Variants in KCNK9 observed in about 807,000 individuals in gnomAD.
The protein encoded by KCNK9 is potassium two pore domain channel subfamily K member 9.
Under a neutral mutation model 10.8 loss-of-function variants are expected in KCNK9, and 1 was observed. That is an observed-to-expected ratio of 0.09 (90% CI 0.03 to 0.44). The LOEUF (loss-of-function observed/expected upper bound fraction) is 0.44. Among genes scored for constraint, KCNK9 ranks in the 20% least tolerant of loss-of-function variants. The pLI is 0.97. For synonymous variants in KCNK9, 231 were observed against 222.7 expected, an observed-to-expected ratio of 1.04 and a Z score of -0.33; for missense variants, 303 against 515.0, an observed-to-expected ratio of 0.59 and a Z score of 3.98.
chr8:139,653,573 G>A (rs1242274942), intron 1 of KCNK9, among the ~76,000 whole-genome samples: 3 of 150,650 alleles, frequency 2.0e-5, no homozygotes, highest in Non-Finnish European at 4.4e-5. Context: ...GATGCTTCAT[G>A]GGAATGTGAG....
At position 139,617,970 on chromosome 8, in the gene KCNK9, G is replaced by A. The variant is rs963450081; in HGVS notation, c.*288C>T. ...CCACTGCAGAGATGATGGGGTGGGT[G>A]GGGTGAGAAATGTAAGGCATAGTCT... On this transcript the variant is annotated 3_prime_UTR_variant, in exon 2 of 2. Transcript: ENST00000520439. 6 of 428,140 alleles carry A rather than the reference G, an allele frequency of 1.4e-5. No individual in the cohort carries two copies. The highest frequency in any genetic ancestry group is 2.1e-5 in the Non-Finnish European group (5 of 232,950). 26.5% of individuals were successfully genotyped at this position (428,140 alleles called of 1,614,324 possible).
At position 139,618,511 on chromosome 8, in the gene KCNK9, G is replaced by A. The variant is rs773508027; in HGVS notation, c.872C>T (p.Pro291Leu). 8.7e-6 allele frequency: 14 copies of A among 1,613,444 alleles called. No individual in the cohort carries two copies. Among genetic ancestry groups the A allele is most frequent in the South Asian group, 7.7e-5 (7 of 91,078 alleles). ...GCAGGAGCACACAGACTGCAGGTCC[G>A]GGACGTCCGCCTTGTACCTGGGCCG... ...PSRPRYKADVPDLQSVCSCTC... is the reference protein window; with the variant it reads ...PSRPRYKADVLDLQSVCSCTC... The change falls in exon 2 of 2, where the codon CCG becomes CTG. Residue 291 changes from proline (P) to leucine (L), a missense_variant. By Grantham distance (98) the Pro-to-Leu change is moderately conservative (BLOSUM62 -3). Coordinates refer to ENST00000520439, the MANE Select transcript of KCNK9 (RefSeq NM_001282534.2). This position sits in a 1 kb window ranked among gnomAD's most constrained non-coding sequence, Gnocchi z 7.9.
chr8:139,695,035 A>G (rs1181728449), intron 1 of KCNK9, among the ~76,000 whole-genome samples: 1 of 152,012 alleles, frequency 6.6e-6, no homozygotes, highest in African/African-American at 2.4e-5. Flanking sequence ...GAATTTTCTC[A>G]TCTTCCCTGC....
At chr8:139,657,294 A>G (rs573111075) in intron 1 of KCNK9, among the ~76,000 whole-genome samples, 2 of 152,188 alleles carry the variant, frequency 1.3e-5, no homozygotes, top group South Asian at 4.2e-4. Context: ...TGGCTAGAAA[A>G]CCACCACCAC....
intron 1 of KCNK9, among the ~76,000 whole-genome samples, chr8:139,681,692 G>A (rs941084741): frequency 6.6e-6 from 1 of 152,234 alleles, no homozygotes; most frequent in Non-Finnish European, 1.5e-5. Flanking sequence ...AAGAGTCTCT[G>A]AGGCCTCTGG....
At chr8:139,650,303 G>A (rs1422287565) in intron 1 of KCNK9, among the ~76,000 whole-genome samples, 2 of 152,200 alleles carry the variant, frequency 1.3e-5, no homozygotes, top group Non-Finnish European at 2.9e-5. Context: ...TCACAGCTCG[G>A]AGTTACTGGC....
chr8:139,683,906 C>G (rs561569790), intron 1 of KCNK9, among the ~76,000 whole-genome samples: 1 of 152,358 alleles, frequency 6.6e-6, no homozygotes, highest in East Asian at 1.9e-4. Context: ...GTGGAAATTG[C>G]TGAGTGGGGC....
chr8:139,699,425 G>A (rs757416907), intron 1 of KCNK9, among the ~76,000 whole-genome samples: 2 of 152,164 alleles, frequency 1.3e-5, no homozygotes, highest in Admixed American at 6.5e-5. Flanking sequence ...TGGGGCGGGG[G>A]TTGGGGGGAA....
intron 1 of KCNK9, among the ~76,000 whole-genome samples, chr8:139,661,502 C>T (rs1816150073): frequency 3.9e-5 from 6 of 152,206 alleles, no homozygotes; most frequent in Admixed American, 3.9e-4. Flanking sequence ...TCGTCACAGC[C>T]CTGGGAAGCA....
At chr8:139,621,789 T>C (rs1814789512) in intron 1 of KCNK9, among the ~76,000 whole-genome samples, 1 of 152,210 alleles carries the variant, frequency 6.6e-6, no homozygotes, top group African/African-American at 2.4e-5. Flanking sequence ...GTGGGAATCC[T>C]ACTATATCTC....
chr8:139,607,996 C>T (rs183646329), downstream of KCNK9, among the ~76,000 whole-genome samples: 192 of 152,320 alleles, frequency 1.3e-3, 1 homozygote, highest in African/African-American at 4.2e-3. Context: ...CTGATGTCTA[C>T]ACCACCCAGT....
chr8:139,663,948 GA>G (rs1418393911), intron 1 of KCNK9, among the ~76,000 whole-genome samples: 1 of 152,162 alleles, frequency 6.6e-6, no homozygotes, highest in Non-Finnish European at 1.5e-5. Flanking sequence ...AAGAAATTGC[GA>G]AATAACACAT....
At position 139,617,229 on chromosome 8, in the gene KCNK9, A is replaced by G. The variant is rs1814626395; in HGVS notation, c.*1029T>C. On this transcript the variant is annotated 3_prime_UTR_variant, in exon 2 of 2. Transcript: ENST00000520439. ...CCCATTCTCACCCAAGCATTCCAAC[A>G]CTATAATTCTTATTTATGCAGGGTA... Among the ~76,000 whole-genome samples, 1 of 152,222 alleles carries G rather than the reference A, an allele frequency of 6.6e-6. No homozygotes were observed. Among genetic ancestry groups the G allele is most frequent in the South Asian group, 2.1e-4 (1 of 4,828 alleles).
intron 1 of KCNK9, among the ~76,000 whole-genome samples, chr8:139,682,283 G>T (rs542942159): frequency 6.6e-6 from 1 of 152,336 alleles, no homozygotes; most frequent in African/African-American, 2.4e-5. Context: ...CATTCTCGGA[G>T]GGCCTGCTTA....
At chr8:139,678,467 G>T (rs1404733251) in intron 1 of KCNK9, among the ~76,000 whole-genome samples, 1 of 152,194 alleles carries the variant, frequency 6.6e-6, no homozygotes, top group African/African-American at 2.4e-5. Context: ...ACCCAGCTCG[G>T]CCCGTCTCCA....
rs149787535 is a variant in KCNK9, at chr8:139,620,671, C to T, written c.284-1572G>A. On this transcript the variant is annotated intron_variant, in intron 1 of 1. Transcript: ENST00000520439. ...CAAACTCTCACTTGAAAAATGACAT[C>T]ACATGTTTGCCTCCAGAAGGCCTTC... Among the ~76,000 whole-genome samples the T allele has an allele frequency of 5.1e-3, 779 of 152,220 alleles. 14 individuals carry two copies. The highest frequency in any genetic ancestry group is 2.6e-3 in the Non-Finnish European group (178 of 68,026).
intron 1 of KCNK9, among the ~76,000 whole-genome samples, chr8:139,652,587 C>G (rs1815901078): frequency 6.6e-6 from 1 of 152,202 alleles, no homozygotes; most frequent in Non-Finnish European, 1.5e-5. Flanking sequence ...CCTGGCGCTC[C>G]TCTAAGGGCC....
chr8:139,626,983 G>A (rs1186317209), intron 1 of KCNK9, among the ~76,000 whole-genome samples: 4 of 152,120 alleles, frequency 2.6e-5, no homozygotes, highest in South Asian at 2.1e-4. Flanking sequence ...GAATGAACTC[G>A]GCATGATTTA....
intron 1 of KCNK9, among the ~76,000 whole-genome samples, chr8:139,672,619 G>A (rs1286430297): frequency 6.6e-6 from 1 of 152,246 alleles, no homozygotes; most frequent in African/African-American, 2.4e-5. Context: ...GGAGCCTGTA[G>A]CAGAGGGACA....
Sources: gnomAD v4.1 joint callset for allele counts (sites outside exome capture counted in the v4.1 genomes callset) on GRCh38, gnomAD v4.1.1 for gene constraint, Gnocchi (gnomAD v3.1) non-coding constraint, MANE v1.5 for transcripts, NCBI Gene and HGNC (gene_info 2026-07-23, HGNC 2026-07-21) for gene names.